Variants in PHACTR1 observed in about 807,000 individuals in gnomAD.
PHACTR1 encodes RPEL repeat containing 1.
In PHACTR1, 16 loss-of-function variants were observed where a neutral mutation model predicts 69.2. That is an observed-to-expected ratio of 0.23 (90% CI 0.16 to 0.35). The LOEUF is 0.35. PHACTR1 is among the 10% of genes least tolerant of loss of function. PHACTR1 has a pLI of 1.00. For synonymous variants in PHACTR1, 312 were observed against 284.5 expected (o/e 1.10, Z -0.97); for missense variants, 510 against 734.7 (o/e 0.69, Z 3.54).
chr6:12,976,435 GA>G (rs1247206999), intron 4 of PHACTR1, among the ~76,000 whole-genome samples: 3 of 152,168 alleles, frequency 2.0e-5, no homozygotes, highest in Non-Finnish European at 4.4e-5. Context: ...CCAGGACCTT[GA>G]AAGTTTCAGA....
intron 4 of PHACTR1, among the ~76,000 whole-genome samples, chr6:12,765,678 A>G (rs1469664425): frequency 6.6e-6 from 1 of 151,408 alleles, no homozygotes; most frequent in African/African-American, 2.4e-5. Context: ...TTCTGTTTCC[A>G]CTCCTTCAGC....
intron 5 of PHACTR1, among the ~76,000 whole-genome samples, chr6:13,124,618 T>C (rs1819237555): frequency 6.6e-6 from 1 of 152,250 alleles, no homozygotes; most frequent in Non-Finnish European, 1.5e-5. Flanking sequence ...CCCATGTTTG[T>C]TAGCTTGCGC....
intron 5 of PHACTR1, among the ~76,000 whole-genome samples, chr6:13,122,505 T>C (rs1191832778): frequency 6.6e-6 from 1 of 152,210 alleles, no homozygotes; most frequent in Non-Finnish European, 1.5e-5. Context: ...TGTCAAGCTA[T>C]TGATATATTG....
intron 7 of PHACTR1, among the ~76,000 whole-genome samples, chr6:13,189,543 C>T (rs1583819233): frequency 2.0e-5 from 3 of 152,176 alleles, no homozygotes; most frequent in Admixed American, 6.5e-5. Flanking sequence ...GAACTACAGG[C>T]ACATGCCACC....
intron 5 of PHACTR1, among the ~76,000 whole-genome samples, chr6:13,131,992 C>T (rs969818877): frequency 6.6e-6 from 1 of 152,170 alleles, no homozygotes; most frequent in African/African-American, 2.4e-5. Context: ...CCAAGAACCA[C>T]TGTAAGTAAA....
At position 13,278,466 on chromosome 6, in the gene PHACTR1, T is replaced by C. The variant is rs1330786399; in HGVS notation, c.1509+137T>C. On this transcript the variant is annotated intron_variant, in intron 12 of 14. Transcript: ENST00000332995. Reference sequence around the variant, plus strand: ...GTGTCAGAGAGTGCCACTCTCTTACTCTATAAGACCTCTCCACTCAGCTTC... The same window carrying C: ...GTGTCAGAGAGTGCCACTCTCTTACCCTATAAGACCTCTCCACTCAGCTTC... 5.7e-5 allele frequency: 40 copies of C among 697,174 alleles called. 1 individual carries two copies. In the South Asian group the frequency reaches 7.2e-4, roughly 13 times the overall value. 43.2% of individuals were successfully genotyped at this position (697,174 alleles called of 1,614,324 possible).
chr6:12,850,115 G>C (rs528389294), intron 4 of PHACTR1, among the ~76,000 whole-genome samples: 1 of 152,294 alleles, frequency 6.6e-6, no homozygotes, highest in Admixed American at 6.5e-5. Flanking sequence ...GAATCGTCAT[G>C]AATTCTTTTT....
intron 4 of PHACTR1, among the ~76,000 whole-genome samples, chr6:13,004,814 C>A (rs1038813189): frequency 2.6e-5 from 4 of 152,126 alleles, no homozygotes; most frequent in African/African-American, 7.2e-5. Flanking sequence ...CACATCTGTG[C>A]AATATAGCTT....
chr6:13,006,506 A>G (rs1798811341), intron 4 of PHACTR1, among the ~76,000 whole-genome samples: 2 of 152,192 alleles, frequency 1.3e-5, no homozygotes, highest in African/African-American at 4.8e-5. Context: ...GTGAAGTACA[A>G]AAAATGGAAA....
intron 3 of PHACTR1, among the ~76,000 whole-genome samples, chr6:12,729,116 G>A (rs929500682): frequency 5.3e-5 from 8 of 152,038 alleles, no homozygotes; most frequent in African/African-American, 1.7e-4. Flanking sequence ...ACCCCCACCC[G>A]CCCCATCACT....
chr6:12,923,847 A>G (rs1185770628), intron 4 of PHACTR1, among the ~76,000 whole-genome samples: 4 of 152,222 alleles, frequency 2.6e-5, no homozygotes, highest in Non-Finnish European at 5.9e-5. Context: ...AGTGTAAGGA[A>G]GTGAGAGAGA....
intron 4 of PHACTR1, among the ~76,000 whole-genome samples, chr6:12,886,459 A>G (rs1344191539): frequency 6.6e-6 from 1 of 152,202 alleles, no homozygotes; most frequent in Non-Finnish European, 1.5e-5. Flanking sequence ...ATATTTTTTC[A>G]TATTAAATGT....
intron 5 of PHACTR1, among the ~76,000 whole-genome samples, chr6:13,076,973 T>A (rs866814305): frequency 6.9e-6 from 1 of 145,182 alleles, no homozygotes; most frequent in Non-Finnish European, 1.5e-5. Flanking sequence ...AGGGATAGCA[T>A]TGGGAGATCC....
rs530977358 is a variant in PHACTR1 at position 13,173,359 on chromosome 6, A to G, written c.497-9160A>G. 1.1e-4 allele frequency among the ~76,000 whole-genome samples: 16 copies of G among 152,352 alleles called. No individual in the cohort carries two copies. The South Asian group carries it at 2.7e-3, about 26-fold the overall frequency. On this transcript the variant is annotated intron_variant, in intron 6 of 14. Transcript: ENST00000332995. Reference sequence around the variant, plus strand: ...TCACACTCATTAGTAAATAGGCAACATTTAATAAGAATATATTGCCTTCTA... The same window carrying G: ...TCACACTCATTAGTAAATAGGCAACGTTTAATAAGAATATATTGCCTTCTA...
intron 4 of PHACTR1, among the ~76,000 whole-genome samples, chr6:12,969,268 G>T (rs1030682061): frequency 6.6e-6 from 1 of 152,124 alleles, no homozygotes; most frequent in African/African-American, 2.4e-5. Flanking sequence ...TATCTGAGTC[G>T]CTGAGTATTG....
intron 10 of PHACTR1, among the ~76,000 whole-genome samples, chr6:13,249,762 G>A (rs1252342052): frequency 7.1e-6 from 1 of 140,184 alleles, no homozygotes; most frequent in Admixed American, 8.0e-5. Context: ...TTGCACCACT[G>A]CACTCCAGCC....
At chr6:12,994,371 A>G (rs746683338) in intron 4 of PHACTR1, among the ~76,000 whole-genome samples, 6 of 152,222 alleles carry the variant, frequency 3.9e-5, no homozygotes, top group Admixed American at 6.5e-5. Context: ...ATTTAGGCAC[A>G]TAATCATAGC....
In PHACTR1 at chr6:13,230,158, G is replaced by A. The variant is rs1347086752; in HGVS notation, c.1356G>A (p.Leu452=). The A allele has an allele frequency of 6.2e-7, 1 of 1,611,172 alleles. No individual in the cohort carries two copies. Among genetic ancestry groups the A allele is most frequent in the Non-Finnish European group, 8.5e-7 (1 of 1,178,966 alleles). The part of the protein sequence containing the change: ...ILPRQTDEER[L]ELRQQIGTKL... ...CCAGGCAGACGGATGAGGAGCGGCTGGAGCTGAGGCAACAGATTGGCACCA... is the reference window on the plus strand; with the variant it reads ...CCAGGCAGACGGATGAGGAGCGGCTAGAGCTGAGGCAACAGATTGGCACCA... Residue 452 remains leucine, a synonymous_variant, in exon 10 of 15, where the codon CTG becomes CTA. Coordinates refer to ENST00000332995, the MANE Select transcript of PHACTR1 (RefSeq NM_030948.6).
intron 7 of PHACTR1, 32 bp downstream of exon 7, chr6:13,182,718 C>A: frequency 6.7e-7 from 1 of 1,483,364 alleles, no homozygotes; most frequent in South Asian, 1.5e-5. Flanking sequence ...AGAGCAGGTC[C>A]CAGACACCAA....
Sources: gnomAD v4.1 joint callset for allele counts (sites outside exome capture counted in the v4.1 genomes callset) on GRCh38, gnomAD v4.1.1 for gene constraint, MANE v1.5 for transcripts, NCBI Gene and HGNC (gene_info 2026-07-23, HGNC 2026-07-21) for gene names.